The following KCNIP1 variants were observed in gnomAD, a reference collection of about 807,000 sequenced individuals.
KCNIP1 encodes the protein A-type potassium channel modulatory protein KCNIP1.
KCNIP1 carries 18 observed loss-of-function variants against 33.0 expected under a neutral mutation model. That is an observed-to-expected ratio of 0.55 (90% CI 0.38 to 0.81). The LOEUF (loss-of-function observed/expected upper bound fraction) is 0.81, where lower values mean the gene tolerates loss of function less well. KCNIP1 is among the 30% of genes least tolerant of loss of function. KCNIP1 has a pLI of 0.00. For synonymous variants in KCNIP1, 93 were observed against 98.3 expected, an observed-to-expected ratio of 0.95 and a Z score of 0.32; for missense variants, 238 against 271.6, an observed-to-expected ratio of 0.88 and a Z score of 0.87.
At chr5:170,515,228 G>A (rs911311383) in intron 1 of KCNIP1, among the ~76,000 whole-genome samples, 4 of 152,146 alleles carry the variant, frequency 2.6e-5, no homozygotes, top group African/African-American at 9.6e-5. Context: ...ATAAGAGGAG[G>A]GAGGAAAACC....
chr5:170,400,309 A>G (rs1754867796), intron 1 of KCNIP1, among the ~76,000 whole-genome samples: 1 of 152,148 alleles, frequency 6.6e-6, no homozygotes, highest in Admixed American at 6.5e-5. Flanking sequence ...ATCACGGAGG[A>G]AGGAGAAGGG....
intron 1 of KCNIP1, among the ~76,000 whole-genome samples, chr5:170,358,088 C>T (rs1249618369): frequency 1.3e-5 from 2 of 152,178 alleles, no homozygotes; most frequent in East Asian, 1.9e-4. Flanking sequence ...TCCTGGGGGC[C>T]GCTGGCAGGA....
At chr5:170,417,577 G>C (rs1218703595) in intron 1 of KCNIP1, among the ~76,000 whole-genome samples, 1 of 152,124 alleles carries the variant, frequency 6.6e-6, no homozygotes, top group Admixed American at 6.5e-5. Flanking sequence ...CCCTCCCAAG[G>C]CATCTGACCC....
At chr5:170,435,137 C>T (rs1267221055) in intron 1 of KCNIP1, among the ~76,000 whole-genome samples, 1 of 152,204 alleles carries the variant, frequency 6.6e-6, no homozygotes, top group Non-Finnish European at 1.5e-5. Flanking sequence ...CCCAGGGAGC[C>T]GGCCCTGGCC....
At chr5:170,486,681 A>C (rs1329660132) in intron 1 of KCNIP1, among the ~76,000 whole-genome samples, 2 of 152,200 alleles carry the variant, frequency 1.3e-5, no homozygotes, top group African/African-American at 4.8e-5. Context: ...CTTCAGCCAG[A>C]GTCAGTTTCT....
intron 1 of KCNIP1, among the ~76,000 whole-genome samples, chr5:170,418,961 T>C (rs1014551156): frequency 3.9e-5 from 6 of 152,240 alleles, no homozygotes; most frequent in Admixed American, 3.3e-4. Context: ...TTTGAGTGAG[T>C]GTCCTCGCTA....
chr5:170,651,977 G>A (rs1452872714), intron 1 of KCNIP1, among the ~76,000 whole-genome samples: 1 of 152,192 alleles, frequency 6.6e-6, no homozygotes, highest in Non-Finnish European at 1.5e-5. Context: ...ACTTGAAAGA[G>A]ATTGTACAGT....
intron 1 of KCNIP1, among the ~76,000 whole-genome samples, chr5:170,688,866 C>T (rs980439080): frequency 3.9e-5 from 6 of 152,090 alleles, no homozygotes; most frequent in Non-Finnish European, 8.8e-5. Flanking sequence ...AGCACACTAC[C>T]TGTGTTGTGG....
intron 1 of KCNIP1, among the ~76,000 whole-genome samples, chr5:170,663,625 C>T (rs1367455151): frequency 6.6e-6 from 1 of 152,128 alleles, no homozygotes; most frequent in African/African-American, 2.4e-5. Context: ...ATCTGTCCTG[C>T]CCCAGTGTTC....
intron 1 of KCNIP1, chr5:170,678,867 T>C (rs1762234260): frequency 6.6e-6 from 1 of 151,704 alleles, no homozygotes. Context: ...GGGGAAGGAG[T>C]AAGTAGAAAC....
At chr5:170,491,981 A>T (rs1420057882) in intron 1 of KCNIP1, among the ~76,000 whole-genome samples, 1 of 152,174 alleles carries the variant, frequency 6.6e-6, no homozygotes, top group Non-Finnish European at 1.5e-5. Context: ...TTTTCATAAT[A>T]ATGTTGAGTA....
intron 1 of KCNIP1, among the ~76,000 whole-genome samples, chr5:170,436,924 G>T (rs1228378273): frequency 6.6e-6 from 1 of 152,178 alleles, no homozygotes; most frequent in Non-Finnish European, 1.5e-5. Context: ...CATGGCTGAG[G>T]CACCTGTAAC....
intron 1 of KCNIP1, among the ~76,000 whole-genome samples, chr5:170,463,262 A>T (rs1756544290): frequency 6.6e-6 from 1 of 152,244 alleles, no homozygotes; most frequent in African/African-American, 2.4e-5. Context: ...TTAAAGAATT[A>T]ATGTCAATTC....
chr5:170,575,437 C>T (rs973565558), intron 1 of KCNIP1, among the ~76,000 whole-genome samples: 2 of 152,114 alleles, frequency 1.3e-5, no homozygotes, highest in Non-Finnish European at 2.9e-5. Flanking sequence ...AAAGTTGCCA[C>T]CTGGCAGAAA....
At position 170,718,797 on chromosome 5, in the gene KCNIP1, A is replaced by G. The variant is rs774611923; in HGVS notation, c.101A>G (p.His34Arg). The change falls in exon 2 of 8, where the codon CAT becomes CGT. Residue 34 changes from histidine (H) to arginine (R), a missense_variant. Coordinates refer to ENST00000328939, the MANE Select transcript of KCNIP1 (RefSeq NM_014592.4). ...EDELEMTMVC[H>R]RPEGLEQLEA... Reference sequence around the variant, plus strand: ...GAGCTGGAGATGACCATGGTTTGCCATCGGCCCGAGGGACTGGAGCAGCTC... The same window carrying G: ...GAGCTGGAGATGACCATGGTTTGCCGTCGGCCCGAGGGACTGGAGCAGCTC... The G allele has an allele frequency of 2.5e-6, 4 of 1,612,884 alleles. No individual in the cohort carries two copies. Among genetic ancestry groups the G allele is most frequent in the Non-Finnish European group, 3.4e-6 (4 of 1,179,588 alleles).
chr5:170,418,781 T>A (rs1428989144), intron 1 of KCNIP1, among the ~76,000 whole-genome samples: 1 of 152,184 alleles, frequency 6.6e-6, no homozygotes, highest in Non-Finnish European at 1.5e-5. Flanking sequence ...CTCTGCTGGA[T>A]CACCATCCCT....
chr5:170,542,200 G>T (rs1209363664), intron 1 of KCNIP1, among the ~76,000 whole-genome samples: 4 of 152,178 alleles, frequency 2.6e-5, no homozygotes, highest in Non-Finnish European at 5.9e-5. Context: ...CCTACTATGT[G>T]GCAGGCCGCG....
intron 1 of KCNIP1, among the ~76,000 whole-genome samples, chr5:170,363,617 C>T (rs1763575498): frequency 6.6e-6 from 1 of 152,230 alleles, no homozygotes; most frequent in South Asian, 2.1e-4. Context: ...CAGTCTGCGA[C>T]ATTCGATTAT....
chr5:170,535,191 T>C (rs1755934853), intron 1 of KCNIP1, among the ~76,000 whole-genome samples: 1 of 152,108 alleles, frequency 6.6e-6, no homozygotes, highest in Non-Finnish European at 1.5e-5. Flanking sequence ...CAGGTCAGAT[T>C]ATCCACTGTC....
Sources: gnomAD v4.1 joint callset for allele counts (sites outside exome capture counted in the v4.1 genomes callset) on GRCh38, gnomAD v4.1.1 for gene constraint, MANE v1.5 for transcripts, NCBI Gene and HGNC (gene_info 2026-07-23, HGNC 2026-07-21) for gene names.